Variants in OSBPL1A observed in about 807,000 individuals in gnomAD.
The protein encoded by OSBPL1A is oxysterol binding protein like 1A, also known as oxysterol-binding protein-related protein 1.
OSBPL1A carries 80 observed loss-of-function variants against 137.1 expected under a neutral mutation model. That is an observed-to-expected ratio of 0.58 (90% CI 0.49 to 0.70). OSBPL1A has a LOEUF of 0.70. Among genes scored for constraint, OSBPL1A ranks in the 30% least tolerant of loss-of-function variants. OSBPL1A has a pLI of 0.00. For synonymous variants in OSBPL1A, 365 were observed against 389.7 expected (o/e 0.94, Z 0.75); for missense variants, 970 against 1,129.4 (o/e 0.86, Z 2.02).
chr18:24,332,813 G>T, intron 7 of OSBPL1A, 129 bp downstream of exon 7: 5 of 1,130,920 alleles, frequency 4.4e-6, no homozygotes, highest in South Asian at 1.6e-5. Flanking sequence ...GAATGCCTTG[G>T]CTCCAAAATT....
intron 13 of OSBPL1A, among the ~76,000 whole-genome samples, chr18:24,311,739 G>C (rs931358): frequency 0.58 from 87,672 of 151,996 alleles, 26,600 homozygotes; most frequent in African/African-American, 0.71. Flanking sequence ...AAAAGTTTCA[G>C]CTAAAAAAGT....
At chr18:24,386,966 T>C (rs1381979143) in intron 1 of OSBPL1A, among the ~76,000 whole-genome samples, 4 of 152,152 alleles carry the variant, frequency 2.6e-5, no homozygotes, top group African/African-American at 9.7e-5. Context: ...CAAAAACATA[T>C]ATATACTTTT....
intron 13 of OSBPL1A, 78 bp downstream of exon 13, chr18:24,311,906 C>G (rs2090624992): frequency 1.3e-6 from 2 of 1,508,100 alleles, no homozygotes; most frequent in Admixed American, 1.7e-5. Context: ...CAAAACCTTA[C>G]ATCTTAAAGA....
chr18:24,281,011 C>A, intron 14 of OSBPL1A, 63 bp from the exon 15 acceptor site: 1 of 988,294 alleles, frequency 1.0e-6, no homozygotes, highest in African/African-American at 1.7e-5. Context: ...AAACTAAGAC[C>A]ACAAAAATAC....
At position 24,171,374 on chromosome 18, in the gene OSBPL1A, T is replaced by C. The variant is rs755298015; in HGVS notation, c.2291+35A>G. On this transcript the variant is annotated intron_variant, in intron 23 of 27. Coordinates refer to ENST00000319481, the MANE Select transcript of OSBPL1A (RefSeq NM_080597.4). ...CCGACATTTTATCTAGTGAACAAAA[T>C]CTATACTATTCAACATTTAAAAGAG... is the stretch of plus-strand genomic sequence containing the variant. 1.4e-5 allele frequency: 21 copies of C among 1,493,542 alleles called. No homozygotes were observed. In the South Asian group the frequency reaches 2.3e-4, roughly 17 times the overall value. The allele number at this position is 1,493,542 out of a possible 1,614,324, so 92.5% of individuals were successfully genotyped here.
chr18:24,229,632 C>G (rs944832586), intron 16 of OSBPL1A, among the ~76,000 whole-genome samples: 1 of 152,174 alleles, frequency 6.6e-6, no homozygotes, highest in East Asian at 1.9e-4. Flanking sequence ...AGGGCATAGC[C>G]ACTGTGGAGG....
At chr18:24,244,608 C>T (rs2088825098) in intron 15 of OSBPL1A, among the ~76,000 whole-genome samples, 1 of 152,222 alleles carries the variant, frequency 6.6e-6, no homozygotes, top group Admixed American at 6.5e-5. Flanking sequence ...TCTGTAGCCC[C>T]TTAAAATACA....
intron 13 of OSBPL1A, among the ~76,000 whole-genome samples, 157 bp downstream of exon 13, chr18:24,311,825 CAT>C (rs2090624090): frequency 6.6e-6 from 1 of 152,216 alleles, no homozygotes; most frequent in Non-Finnish European, 1.5e-5. Context: ...CCATGAGAGA[CAT>C]AAGCTACCAA....
chr18:24,310,432 C>CAAAAAAAAAA (rs3039412), intron 13 of OSBPL1A, among the ~76,000 whole-genome samples: 14 of 89,670 alleles, frequency 1.6e-4, no homozygotes, highest in Middle Eastern at 5.8e-3. Context: ...ACTAAAAATA[C>CAAAAAAAAAA]AAAAAAAAAA....
intron 1 of OSBPL1A, among the ~76,000 whole-genome samples, chr18:24,394,263 C>T (rs1907575535): frequency 6.6e-6 from 1 of 152,120 alleles, no homozygotes; most frequent in Admixed American, 6.5e-5. Context: ...ACCATACGGA[C>T]ATAATAAAAA....
rs146852402 is a variant in OSBPL1A at position 24,344,224 on chromosome 18, C to T, written c.283-2566G>A. The stretch of plus-strand genomic sequence containing the variant: ...CAGCACTTTGGGAGGCTGAGGCAGA[C>T]GGATCACTTGAGGCCAGGGGTTTGA... On this transcript the variant is annotated intron_variant, in intron 4 of 27. Transcript: ENST00000319481. Among the ~76,000 whole-genome samples the T allele has an allele frequency of 6.2e-3, 942 of 152,222 alleles. 9 individuals carry two copies. Among genetic ancestry groups the T allele is most frequent in the African/African-American group, 0.021 (872 of 41,532 alleles).
intron 15 of OSBPL1A, among the ~76,000 whole-genome samples, chr18:24,250,654 G>C (rs918741219): frequency 3.3e-5 from 5 of 152,326 alleles, no homozygotes; most frequent in Admixed American, 3.3e-4. Flanking sequence ...AGACTTGCTG[G>C]CTTCAGGTGA....
At chr18:24,345,949 C>CT (rs1188952542) in intron 4 of OSBPL1A, among the ~76,000 whole-genome samples, 1 of 152,142 alleles carries the variant, frequency 6.6e-6, no homozygotes, top group Non-Finnish European at 1.5e-5. Context: ...TTTTTGAATA[C>CT]TTTTTCCTGA....
At chr18:24,230,707 T>G (rs550937738) in intron 16 of OSBPL1A, among the ~76,000 whole-genome samples, 1 of 152,172 alleles carries the variant, frequency 6.6e-6, no homozygotes, top group Non-Finnish European at 1.5e-5. Flanking sequence ...AATAAACATA[T>G]ACGTTTCTAT....
In OSBPL1A at chr18:24,354,878, G is replaced by T. The variant is rs561684509; in HGVS notation, c.282+12014C>A. ...ATTAACCGTTTCCTTAACTCTGCAG[G>T]TCAGCCCTCCCACTGTTCCCTGCTG... On this transcript the variant is annotated intron_variant, in intron 4 of 27. Coordinates refer to ENST00000319481, the MANE Select transcript of OSBPL1A (RefSeq NM_080597.4). Among the ~76,000 whole-genome samples the T allele has an allele frequency of 1.9e-3, 289 of 151,978 alleles. 2 individuals carry two copies. The highest frequency in any genetic ancestry group is 6.7e-3 in the African/African-American group (278 of 41,442).
chr18:24,278,666 C>T (rs2089895753), intron 15 of OSBPL1A, among the ~76,000 whole-genome samples: 1 of 152,130 alleles, frequency 6.6e-6, no homozygotes, highest in Non-Finnish European at 1.5e-5. Flanking sequence ...AATGTTCAGC[C>T]TTAAAACCAT....
At chr18:24,390,771 T>G (rs1907295238) in intron 1 of OSBPL1A, among the ~76,000 whole-genome samples, 1 of 151,904 alleles carries the variant, frequency 6.6e-6, no homozygotes, top group African/African-American at 2.4e-5. Context: ...GTTTCTCATT[T>G]TCCATGCTCT....
intron 23 of OSBPL1A, among the ~76,000 whole-genome samples, chr18:24,171,202 T>G (rs2086277310): frequency 6.6e-6 from 1 of 151,614 alleles, no homozygotes; most frequent in South Asian, 2.1e-4. Context: ...CCTGGCTAAT[T>G]TTTTTGTATT....
chr18:24,377,247 T>C (rs1906247418), intron 2 of OSBPL1A, among the ~76,000 whole-genome samples, 166 bp downstream of exon 2: 1 of 152,252 alleles, frequency 6.6e-6, no homozygotes, highest in Non-Finnish European at 1.5e-5. Context: ...TCACTTTCTC[T>C]GACTCAGAGG....
Sources: gnomAD v4.1 joint callset for allele counts (sites outside exome capture counted in the v4.1 genomes callset) on GRCh38, gnomAD v4.1.1 for gene constraint, MANE v1.5 for transcripts, NCBI Gene and HGNC (gene_info 2026-07-23, HGNC 2026-07-21) for gene names.